DLGAP2: variants seen among roughly 807,000 people sequenced by gnomAD.
DLGAP2 encodes DLG associated protein 2.
DLGAP2 carries 26 observed loss-of-function variants against 100.3 expected under a neutral mutation model. That is an observed-to-expected ratio of 0.26 (90% CI 0.19 to 0.36). DLGAP2 has a LOEUF of 0.36. DLGAP2 is among the 10% of genes least tolerant of loss of function. The pLI is 1.00. For synonymous variants in DLGAP2, 886 were observed against 630.1 expected (o/e 1.41, Z -6.08); for missense variants, 1,858 against 1,453.2 (o/e 1.28, Z -4.53).
chr8:1,533,850 A>G (rs1403107969), intron 4 of DLGAP2, among the ~76,000 whole-genome samples: 1 of 152,128 alleles, frequency 6.6e-6, no homozygotes, highest in African/African-American at 2.4e-5. Flanking sequence ...CCAGCTCCTC[A>G]GGAGGCTGAG....
intron 2 of DLGAP2, among the ~76,000 whole-genome samples, chr8:1,228,330 C>G (rs1798464914): frequency 6.6e-6 from 1 of 152,086 alleles, no homozygotes; most frequent in Non-Finnish European, 1.5e-5. Flanking sequence ...GCTAACTATG[C>G]CAAAGGAAAT....
intron 2 of DLGAP2, among the ~76,000 whole-genome samples, chr8:1,253,145 G>C (rs1585194436): frequency 1.3e-5 from 2 of 152,220 alleles, no homozygotes; most frequent in African/African-American, 4.8e-5. Context: ...TCATGGCTGG[G>C]TTGGAACCAG....
At chr8:1,332,215 GGTTT>G (rs1489344767) in intron 3 of DLGAP2, among the ~76,000 whole-genome samples, 5 of 152,108 alleles carry the variant, frequency 3.3e-5, no homozygotes, top group Admixed American at 6.6e-5. Flanking sequence ...TGCTTGTGAT[GGTTT>G]GTGTGAGTGT....
At chr8:846,534 T>C (rs915549822) in intron 1 of DLGAP2, among the ~76,000 whole-genome samples, 2 of 152,252 alleles carry the variant, frequency 1.3e-5, no homozygotes, top group African/African-American at 4.8e-5. Flanking sequence ...CATTCATCTT[T>C]TGGCGTGTGA....
At chr8:1,048,754 TGCC>T (rs1563164238) in intron 2 of DLGAP2, among the ~76,000 whole-genome samples, 1 of 151,998 alleles carries the variant, frequency 6.6e-6, no homozygotes, top group Admixed American at 6.6e-5. Context: ...TCCCCACATC[TGCC>T]GCCGAAGCTG....
intron 2 of DLGAP2, among the ~76,000 whole-genome samples, chr8:1,031,317 G>T (rs967598734): frequency 6.6e-6 from 1 of 152,166 alleles, no homozygotes; most frequent in East Asian, 1.9e-4. Flanking sequence ...GATGGCTCCA[G>T]GTCTTGTGCT....
At chr8:1,469,251 G>A (rs540124303) in intron 3 of DLGAP2, among the ~76,000 whole-genome samples, 19 of 152,236 alleles carry the variant, frequency 1.2e-4, no homozygotes, top group East Asian at 7.7e-4. Flanking sequence ...GCCAGCAGCA[G>A]TGGCCGTGAC....
At chr8:974,490 A>G (rs546849486) in intron 2 of DLGAP2, among the ~76,000 whole-genome samples, 7 of 152,366 alleles carry the variant, frequency 4.6e-5, no homozygotes, top group African/African-American at 1.7e-4. Flanking sequence ...GATAGAATAT[A>G]TTCTGGGCTA....
intron 1 of DLGAP2, among the ~76,000 whole-genome samples, chr8:832,018 A>T (rs1796793658): frequency 6.6e-6 from 1 of 152,118 alleles, no homozygotes; most frequent in African/African-American, 2.4e-5. Flanking sequence ...TTCTTTTGAG[A>T]AGTGTCTGTT....
intron 4 of DLGAP2, among the ~76,000 whole-genome samples, chr8:1,529,449 A>G (rs949722978): frequency 3.3e-5 from 5 of 152,164 alleles, no homozygotes; most frequent in African/African-American, 1.2e-4. Flanking sequence ...GGTGGCCAAC[A>G]AGATGGACCG....
intron 5 of DLGAP2, among the ~76,000 whole-genome samples, chr8:1,561,566 C>A (rs758483930): frequency 1.1e-3 from 160 of 152,158 alleles, no homozygotes; most frequent in Middle Eastern, 3.2e-3. Flanking sequence ...TTCTAGTGTG[C>A]GTGGTGCTAG....
At chr8:1,465,227 C>G (rs73672724) in intron 3 of DLGAP2, among the ~76,000 whole-genome samples, 2 of 152,370 alleles carry the variant, frequency 1.3e-5, no homozygotes, top group Admixed American at 1.3e-4. Context: ...GCAAGCCCCC[C>G]ACACGTGGGT....
At chr8:1,662,430 G>T (rs1337723094) in intron 8 of DLGAP2, among the ~76,000 whole-genome samples, 1 of 152,174 alleles carries the variant, frequency 6.6e-6, no homozygotes, top group Non-Finnish European at 1.5e-5. Flanking sequence ...CTCTTTCATT[G>T]AATTTTGCAG....
intron 3 of DLGAP2, among the ~76,000 whole-genome samples, chr8:1,344,178 T>C (rs1306835945): frequency 4.0e-5 from 6 of 151,422 alleles, no homozygotes; most frequent in Non-Finnish European, 5.9e-5. Flanking sequence ...CTCGGGGCGC[T>C]GTCGTGGGTC....
At chr8:1,426,158 C>T (rs1045052348) in intron 3 of DLGAP2, among the ~76,000 whole-genome samples, 1 of 152,168 alleles carries the variant, frequency 6.6e-6, no homozygotes, top group Non-Finnish European at 1.5e-5. Context: ...CAAGGCCACA[C>T]ATGCAGCAGG....
chr8:1,242,575 G>T (rs150153706), intron 2 of DLGAP2, among the ~76,000 whole-genome samples: 29 of 152,302 alleles, frequency 1.9e-4, no homozygotes, highest in African/African-American at 7.0e-4. Flanking sequence ...GCAGAAGGAG[G>T]CCCACCCTCG....
At chr8:1,531,749 A>C (rs1287713798) in intron 4 of DLGAP2, among the ~76,000 whole-genome samples, 3 of 152,158 alleles carry the variant, frequency 2.0e-5, no homozygotes, top group Non-Finnish European at 4.4e-5. Context: ...TGCATAACTA[A>C]ATTTTGTTTC....
At chr8:1,499,311 T>C (rs4875866) in intron 3 of DLGAP2, among the ~76,000 whole-genome samples, 114,614 of 152,086 alleles carry the variant, frequency 0.75, 43,364 homozygotes, top group Admixed American at 0.79. Flanking sequence ...AAGTCCGCCC[T>C]GTGAGAGCCC....
chr8:769,073 T>C (rs1821290516), intron 1 of DLGAP2, among the ~76,000 whole-genome samples: 1 of 152,100 alleles, frequency 6.6e-6, no homozygotes, highest in African/African-American at 2.4e-5. Context: ...TCAGGTGTGG[T>C]CCCGCACAAG....
Sources: gnomAD v4.1 joint callset for allele counts (sites outside exome capture counted in the v4.1 genomes callset) on GRCh38, gnomAD v4.1.1 for gene constraint, MANE v1.5 for transcripts, NCBI Gene and HGNC (gene_info 2026-07-23, HGNC 2026-07-21) for gene names.